The following FHIT variants were observed in gnomAD, a reference collection of about 807,000 sequenced individuals.
FHIT encodes bis(5'-adenosyl)-triphosphatase.
In FHIT, 19 loss-of-function variants were observed where a neutral mutation model predicts 17.9. The observed-to-expected ratio is 1.06, with a 90% CI of 0.74 to 1.56. The LOEUF (loss-of-function observed/expected upper bound fraction) is 1.56, where lower values mean the gene tolerates loss of function less well. Among genes scored for constraint, FHIT ranks in the 40% most tolerant of loss-of-function variants. FHIT has a pLI of 0.00. For missense variants in FHIT, 248 were observed against 189.2 expected (o/e 1.31, Z -1.82); for synonymous variants, 81 against 69.7 (o/e 1.16, Z -0.81).
intron 5 of FHIT, among the ~76,000 whole-genome samples, chr3:60,513,244 G>A (rs1302079055): frequency 6.6e-6 from 1 of 152,104 alleles, no homozygotes; most frequent in African/African-American, 2.4e-5. Context: ...ATAAACAGGT[G>A]ATCACTGAAC....
At chr3:60,950,592 T>C (rs548461903) in intron 3 of FHIT, among the ~76,000 whole-genome samples, 48 of 151,962 alleles carry the variant, frequency 3.2e-4, no homozygotes, top group African/African-American at 1.1e-3. Context: ...TCTTGGCTCA[T>C]TGCAACCTCC....
chr3:60,700,086 A>C (rs797024603), intron 4 of FHIT, among the ~76,000 whole-genome samples: 37 of 150,698 alleles, frequency 2.5e-4, no homozygotes, highest in African/African-American at 8.8e-4. Flanking sequence ...AGCCAAGATC[A>C]CGCCACTGCA....
At position 60,107,182 on chromosome 3, in the gene FHIT, G is replaced by C. The variant is rs1473472204; in HGVS notation, c.104-93030C>G. Among the ~76,000 whole-genome samples the C allele has an allele frequency of 6.1e-5, 5 of 81,768 alleles. No homozygotes were observed. The East Asian group carries it at 1.3e-3, about 21-fold the overall frequency. The allele number at this position is 81,768 out of a possible 152,430, so 53.6% of individuals were successfully genotyped here. A position where few individuals can be genotyped will look rare whatever the true frequency, so the allele number is the denominator to read the frequency against. On this transcript the variant is annotated intron_variant, in intron 5 of 9. Transcript: ENST00000492590. ...TTTTTTTTTTTTTTTTGTACACAAAGGACTCTTTTGTGATGGTTGGATCAA... is the reference window on the plus strand; with the variant it reads ...TTTTTTTTTTTTTTTTGTACACAAACGACTCTTTTGTGATGGTTGGATCAA...
At chr3:60,264,753 A>G (rs940469732) in intron 5 of FHIT, among the ~76,000 whole-genome samples, 1 of 151,936 alleles carries the variant, frequency 6.6e-6, no homozygotes, top group African/African-American at 2.4e-5. Flanking sequence ...GTACATATCA[A>G]TATATCAAAA....
At chr3:59,987,160 TA>T (rs1392434168) in intron 7 of FHIT, among the ~76,000 whole-genome samples, 8 of 145,188 alleles carry the variant, frequency 5.5e-5, no homozygotes, top group African/African-American at 1.7e-4. Context: ...AATATAGACA[TA>T]AAAATATATA....
chr3:60,138,949 C>A (rs548616787), intron 5 of FHIT, among the ~76,000 whole-genome samples: 3 of 152,136 alleles, frequency 2.0e-5, no homozygotes, highest in African/African-American at 7.2e-5. Context: ...AAAATAAACG[C>A]TCTATCCACT....
At chr3:60,471,691 T>C (rs1559941922) in intron 5 of FHIT, among the ~76,000 whole-genome samples, 1 of 152,028 alleles carries the variant, frequency 6.6e-6, no homozygotes, top group Non-Finnish European at 1.5e-5. Context: ...ACCCACCTGG[T>C]CTTTTGTTCT....
intron 3 of FHIT, among the ~76,000 whole-genome samples, chr3:61,011,738 A>G (rs942693091): frequency 6.6e-6 from 1 of 152,194 alleles, no homozygotes; most frequent in Non-Finnish European, 1.5e-5. Flanking sequence ...ATTGTCAAAG[A>G]ATACATTGCT....
intron 4 of FHIT, among the ~76,000 whole-genome samples, chr3:60,605,111 CAGAGAG>C (rs140136950): frequency 4.7e-4 from 70 of 150,208 alleles, no homozygotes; most frequent in Non-Finnish European, 8.3e-4. Flanking sequence ...CACACACACA[CAGAGAG>C]AGAGAGAGAG....
chr3:59,939,772 T>G (rs1575732347), intron 7 of FHIT, among the ~76,000 whole-genome samples: 2 of 152,080 alleles, frequency 1.3e-5, no homozygotes, highest in Non-Finnish European at 2.9e-5. Flanking sequence ...GATATAAAAT[T>G]TGGGTATCAA....
rs57445613 is a variant in FHIT, at chr3:60,826,776, C to T, written c.-110-4765G>A. Among the ~76,000 whole-genome samples the T allele has an allele frequency of 8.6e-3, 1,278 of 147,782 alleles. 20 individuals are homozygous for T. The highest frequency in any genetic ancestry group is 0.028 in the African/African-American group (1,169 of 41,412). On this transcript the variant is annotated intron_variant, in intron 3 of 9. Transcript: ENST00000492590. ...ACTGGCCCTGGAACCACCAACACTA[C>T]AGGACACAGGAACACACATTTACAG... is the stretch of plus-strand genomic sequence containing the variant.
intron 7 of FHIT, among the ~76,000 whole-genome samples, chr3:59,988,485 A>C (rs1709086132): frequency 6.6e-6 from 1 of 152,102 alleles, no homozygotes; most frequent in Admixed American, 6.6e-5. Flanking sequence ...TATCTCATTC[A>C]TCCATTCACT....
chr3:60,016,950 G>T (rs1246056236), intron 5 of FHIT, among the ~76,000 whole-genome samples: 6 of 152,118 alleles, frequency 3.9e-5, no homozygotes, highest in Non-Finnish European at 7.4e-5. Flanking sequence ...CCATGTTGAA[G>T]ATGAATTATA....
intron 3 of FHIT, among the ~76,000 whole-genome samples, chr3:61,035,758 CAGAT>C (rs112608121): frequency 0.028 from 4,187 of 152,180 alleles, 119 homozygotes; most frequent in African/African-American, 0.074. Context: ...AAGTAATTGT[CAGAT>C]AGTGATGATG....
intron 7 of FHIT, among the ~76,000 whole-genome samples, chr3:59,924,183 C>G (rs561176914): frequency 7.9e-5 from 12 of 152,284 alleles, no homozygotes; most frequent in East Asian, 1.9e-4. Flanking sequence ...AGGAAAATAA[C>G]GTAGAACAAG....
At chr3:60,565,060 G>T (rs2037084046) in intron 4 of FHIT, among the ~76,000 whole-genome samples, 1 of 152,100 alleles carries the variant, frequency 6.6e-6, no homozygotes, top group African/African-American at 2.4e-5. Flanking sequence ...TCAGTCAGCA[G>T]CCATCAACAT....
intron 5 of FHIT, among the ~76,000 whole-genome samples, chr3:60,173,919 T>TG (rs1559698680): frequency 4.6e-4 from 8 of 17,254 alleles, no homozygotes; most frequent in African/African-American, 1.1e-3. Context: ...ATATATATGT[T>TG]TTTTTTTTTT....
chr3:61,055,613 A>AC (rs1306365288), intron 2 of FHIT, among the ~76,000 whole-genome samples: 1 of 152,166 alleles, frequency 6.6e-6, no homozygotes, highest in Non-Finnish European at 1.5e-5. Context: ...CCCATGTATA[A>AC]CCACATTTCT....
At chr3:60,255,812 G>T (rs1030958146) in intron 5 of FHIT, among the ~76,000 whole-genome samples, 1 of 151,894 alleles carries the variant, frequency 6.6e-6, no homozygotes, top group African/African-American at 2.4e-5. Context: ...CCGAGATTGT[G>T]CCACTGCACT....
Sources: gnomAD v4.1 joint callset for allele counts (sites outside exome capture counted in the v4.1 genomes callset) on GRCh38, gnomAD v4.1.1 for gene constraint, MANE v1.5 for transcripts, NCBI Gene and HGNC (gene_info 2026-07-23, HGNC 2026-07-21) for gene names.